LRRN4: variants seen among roughly 807,000 people sequenced by gnomAD.
LRRN4 encodes the protein leucine-rich repeat neuronal protein 4.
Under a neutral mutation model 22.3 loss-of-function variants are expected in LRRN4, and 26 were observed. The ratio of observed to expected loss-of-function variants is 1.16; its 90% CI spans 0.85 to 1.62. The LOEUF (loss-of-function observed/expected upper bound fraction) is 1.62, where lower values mean the gene tolerates loss of function less well. Among genes scored for constraint, LRRN4 ranks in the 40% most tolerant of loss-of-function variants. The probability of loss-of-function intolerance (pLI) is 0.00; values close to 1 mark genes in which losing one functional copy is unlikely to be tolerated. For missense variants in LRRN4, 1,070 were observed against 1,008.5 expected (o/e 1.06, Z -0.83); for synonymous variants, 496 against 486.2 (o/e 1.02, Z -0.26).
intron 4 of LRRN4, among the ~76,000 whole-genome samples, chr20:6,044,164 G>C (rs1477269975): frequency 6.6e-6 from 1 of 152,142 alleles, no homozygotes; most frequent in Non-Finnish European, 1.5e-5. Flanking sequence ...TGGATAACCC[G>C]GGAGCAGGAG....
In LRRN4 at chr20:6,052,363, C is replaced by G. The variant is rs1488073636; in HGVS notation, c.437G>C (p.Ser146Thr). 5.9e-6 allele frequency: 9 copies of G among 1,514,636 alleles called. No homozygotes were observed. Among genetic ancestry groups the G allele is most frequent in the Non-Finnish European group, 7.9e-6 (9 of 1,140,454 alleles). The allele number at this position is 1,514,636 out of a possible 1,614,324, so 93.8% of individuals were successfully genotyped here. A position where few individuals can be genotyped will look rare whatever the true frequency, so the allele number is the denominator to read the frequency against. Residue 146 changes from serine (S) to threonine (T), a missense_variant, in exon 2 of 5, where the codon AGC (serine) becomes ACC (threonine). Coordinates refer to ENST00000378858, the MANE Select transcript of LRRN4 (RefSeq NM_152611.5). ...ALPPCTGPAL[S>T]SLRALALAGN... ...GGCGAGCGCCAGGGCGCGGAGGCTG[C>G]TCAGCGCGGGCCCGGTGCACGGCGG...
At chr20:6,044,111 AG>A (rs1473754497) in intron 4 of LRRN4, among the ~76,000 whole-genome samples, 1 of 152,222 alleles carries the variant, frequency 6.6e-6, no homozygotes, top group Non-Finnish European at 1.5e-5. Context: ...TAGTCTTCAT[AG>A]GAATTTCCCA....
chr20:6,052,356 G>GA lies in LRRN4; in HGVS notation c.443dup (p.Arg149ProfsTer69), dbSNP rs1568643341. ...GATTCCCGGCGAGCGCCAGGGCGCG[G>GA]AGGCTGCTCAGCGCGGGCCCGGTGC... On this transcript the variant is annotated frameshift_variant, in exon 2 of 5. Coordinates refer to ENST00000378858, the MANE Select transcript of LRRN4 (RefSeq NM_152611.5). LOFTEE classifies it high-confidence loss of function. The GA allele has an allele frequency of 2.0e-6, 3 of 1,510,368 alleles. No individual in the cohort carries two copies. In the East Asian group the frequency reaches 7.8e-5, roughly 40 times the overall value. The allele number at this position is 1,510,368 out of a possible 1,614,324, so 93.6% of individuals were successfully genotyped here.
chr20:6,044,619 G>A lies in LRRN4; in HGVS notation c.922C>T (p.Leu308Phe), dbSNP rs566957508. 16 of 1,597,622 alleles carry A rather than the reference G, an allele frequency of 1.0e-5. No individual in the cohort carries two copies. In the South Asian group the frequency reaches 1.8e-4, roughly 18 times the overall value. Residue 308 changes from leucine (L) to phenylalanine (F), a missense_variant, in exon 4 of 5, where the codon CTC (leucine) becomes TTC (phenylalanine). Transcript: ENST00000378858. ...LDSSQVLSINLFGNPLTCSCD... is the reference protein window; with the variant it reads ...LDSSQVLSINFFGNPLTCSCD... The stretch of plus-strand genomic sequence containing the variant: ...CTGCAAGTGAGGGGGTTGCCAAAGA[G>A]GTTGATCGATAGGACCTGGGAGGAA...
In LRRN4 at chr20:6,052,197, C is replaced by T. The variant is rs1981264377; in HGVS notation, c.603G>A (p.Ala201=). 1 of 1,596,312 alleles carries T rather than the reference C, an allele frequency of 6.3e-7. No homozygotes were observed. Among genetic ancestry groups the T allele is most frequent in the Non-Finnish European group, 8.5e-7 (1 of 1,172,488 alleles). ...AEAAFAGEDG[A]PLVTLEVLDL... Reference sequence around the variant, plus strand: ...CCAGGACTTCGAGCGTGACCAGGGGCGCGCCATCCTCTCCAGCGAACGCCG... The same window carrying T: ...CCAGGACTTCGAGCGTGACCAGGGGTGCGCCATCCTCTCCAGCGAACGCCG... The change falls in exon 2 of 5, where the codon GCG becomes GCA. Residue 201 remains alanine, a synonymous_variant. Coordinates refer to ENST00000378858, the MANE Select transcript of LRRN4 (RefSeq NM_152611.5).
At chr20:6,043,001 A>G (rs761538581) in intron 4 of LRRN4, among the ~76,000 whole-genome samples, 12 of 152,234 alleles carry the variant, frequency 7.9e-5, no homozygotes, top group East Asian at 1.9e-4. Flanking sequence ...TCACACTCCA[A>G]TGTGTCAACT....
chr20:6,052,146 C>A lies in LRRN4; in HGVS notation c.654G>T (p.Arg218=), dbSNP rs985361226. The A allele has an allele frequency of 6.3e-7, 1 of 1,591,648 alleles. No homozygotes were observed. Among genetic ancestry groups the A allele is most frequent in the Non-Finnish European group, 8.5e-7 (1 of 1,170,068 alleles). The change falls in exon 2 of 5, where the codon CGG becomes CGT. Residue 218 remains arginine (R), a splice_region_variant and synonymous_variant. Transcript: ENST00000378858. The part of the protein sequence containing the change: ...VLDLSGTFLE[R]VESGWIRDLP... ...AAAACGCGGGGCGCCCGGACTCACCCCGTTCAAGGAACGTGCCGCTGAGAT... is the reference window on the plus strand; with the variant it reads ...AAAACGCGGGGCGCCCGGACTCACCACGTTCAAGGAACGTGCCGCTGAGAT...
At chr20:6,049,291 G>T (rs776965210) in intron 3 of LRRN4, among the ~76,000 whole-genome samples, 1 of 152,166 alleles carries the variant, frequency 6.6e-6, no homozygotes, top group Admixed American at 6.5e-5. Flanking sequence ...AGCACATGGC[G>T]TGTGTCTCTG....
At chr20:6,044,456 G>A in intron 4 of LRRN4, 87 bp downstream of exon 4, 1 of 1,277,292 alleles carries the variant, frequency 7.8e-7, no homozygotes, top group Non-Finnish European at 1.0e-6. Flanking sequence ...GCCAAGCATG[G>A]TCACATGAGC....
rs770157530 is a variant in LRRN4 at position 6,044,563 on chromosome 20, T to C, written c.978A>G (p.Ala326=). 1.1e-5 allele frequency: 18 copies of C among 1,583,804 alleles called. No homozygotes were observed. The highest frequency in any genetic ancestry group is 1.5e-5 in the Non-Finnish European group (17 of 1,165,982). The change falls in exon 4 of 5, where the codon GCA becomes GCG. Residue 326 remains alanine (A), a synonymous_variant. Coordinates refer to ENST00000378858, the MANE Select transcript of LRRN4 (RefSeq NM_152611.5). ...SCDLSWLLTD[A]KRTVLSRAAD... is the part of the protein sequence containing the mutation. ...GTTACCTGCTTAGGACAGTTCTCTT[T>C]GCATCCGTGAGGAGCCAAGACAAGT... is the stretch of plus-strand genomic sequence containing the variant.
At chr20:6,043,533 G>A (rs906714701) in intron 4 of LRRN4, among the ~76,000 whole-genome samples, 4 of 152,188 alleles carry the variant, frequency 2.6e-5, no homozygotes, top group Non-Finnish European at 5.9e-5. Context: ...AAAGGGCCCA[G>A]GTGCTTCTCT....
chr20:6,052,431 C>T lies in LRRN4; in HGVS notation c.369G>A (p.Gly123=). ...ALRWGPGGPA[G]LHTLDLSYNQ... is the part of the protein sequence containing the mutation. ...TGTAGCTGAGGTCCAGGGTGTGCAG[C>T]CCCGCCGGCCCACCCGGGCCCCAGC... The change falls in exon 2 of 5, where the codon GGG becomes GGA. Residue 123 remains glycine, a synonymous_variant. Coordinates refer to ENST00000378858, the MANE Select transcript of LRRN4 (RefSeq NM_152611.5). 6.5e-7 allele frequency: 1 copy of T among 1,546,728 alleles called. No individual in the cohort carries two copies. The highest frequency in any genetic ancestry group is 1.2e-5 in the South Asian group (1 of 84,712).
rs1980972569 is a variant in LRRN4, at chr20:6,041,979, G to T, written c.1266C>A (p.His422Gln). The change falls in exon 5 of 5, where the codon CAC (histidine) becomes CAA (glutamine). Residue 422 changes from histidine to glutamine, a missense_variant. Coordinates refer to ENST00000378858, the MANE Select transcript of LRRN4 (RefSeq NM_152611.5). This position sits in a 1 kb window ranked among gnomAD's most constrained non-coding sequence, Gnocchi z 9.4. ...GGGCAGTCCCCTCCCGTGCATCGCT[G>T]TGCGGCCATGCAGCTATCGTGCGAG... is the stretch of plus-strand genomic sequence containing the variant. ...VGSRTIAAWPHSDAREGTAPS... is the reference protein window; with the variant it reads ...VGSRTIAAWPQSDAREGTAPS... The T allele has an allele frequency of 6.2e-7, 1 of 1,614,080 alleles. No homozygotes were observed. The highest frequency in any genetic ancestry group is 2.2e-5 in the East Asian group (1 of 44,858).
At chr20:6,047,999 TG>T (rs2123055948) in intron 3 of LRRN4, among the ~76,000 whole-genome samples, 1 of 152,132 alleles carries the variant, frequency 6.6e-6, no homozygotes, top group African/African-American at 2.4e-5. Context: ...CAGGGGCTGT[TG>T]GGGATGGAAA....
intron 3 of LRRN4, among the ~76,000 whole-genome samples, chr20:6,049,895 C>T (rs899390416): frequency 1.3e-5 from 2 of 152,168 alleles, no homozygotes; most frequent in African/African-American, 4.8e-5. Context: ...TCACTGACAT[C>T]AATCAGCATC....
At chr20:6,049,231 C>A (rs911316387) in intron 3 of LRRN4, among the ~76,000 whole-genome samples, 41 of 152,272 alleles carry the variant, frequency 2.7e-4, no homozygotes, top group African/African-American at 9.6e-4. Context: ...CCTGAAGAAG[C>A]CTCTCTGATC....
rs1454031525 is a variant in LRRN4 at position 6,052,461 on chromosome 20, C to T, written c.339G>A (p.Ala113=). The T allele has an allele frequency of 2.6e-6, 4 of 1,560,288 alleles. No homozygotes were observed. Among genetic ancestry groups the T allele is most frequent in the Non-Finnish European group, 1.7e-6 (2 of 1,161,952 alleles). The change falls in exon 2 of 5, where the codon GCG becomes GCA. Residue 113 remains alanine (A), a synonymous_variant. Transcript: ENST00000378858. ...CCGGCCCACCCGGGCCCCAGCGCAG[C>T]GCGGCGATGCGGTTGTGGCGCAGGG... ...VLTLRHNRIA[A]LRWGPGGPAG...
chr20:6,052,224 C>T lies in LRRN4; in HGVS notation c.576G>A (p.Glu192=), dbSNP rs374965764. The change falls in exon 2 of 5, where the codon GAG becomes GAA. Residue 192 remains glutamate, a synonymous_variant. Coordinates refer to ENST00000378858, the MANE Select transcript of LRRN4 (RefSeq NM_152611.5). The stretch of plus-strand genomic sequence containing the variant: ...CGCCATCCTCTCCAGCGAACGCCGC[C>T]TCGGCGATGCCCCCCTGGGCTCCGC... The part of the protein sequence containing the change: ...LGRGAQGGIA[E]AAFAGEDGAP... 14 of 1,580,166 alleles carry T rather than the reference C, an allele frequency of 8.9e-6. No individual in the cohort carries two copies. The African/African-American group carries it at 1.2e-4, about 14-fold the overall frequency.
In LRRN4 at chr20:6,044,557, T is replaced by G. The variant is rs776798270; in HGVS notation, c.984A>C (p.Arg328Ser). ...DLSWLLTDAK[R>S]TVLSRAADTM... ...AAATGTGTTACCTGCTTAGGACAGT[T>G]CTCTTTGCATCCGTGAGGAGCCAAG... The change falls in exon 4 of 5, where the codon AGA (arginine) becomes AGC (serine). Residue 328 changes from arginine to serine, a missense_variant. Arg to Ser is a moderately radical substitution (Grantham distance 110, BLOSUM62 -1). Coordinates refer to ENST00000378858, the MANE Select transcript of LRRN4 (RefSeq NM_152611.5). 3 of 1,581,982 alleles carry G rather than the reference T, an allele frequency of 1.9e-6. No homozygotes were observed. The East Asian group carries it at 6.9e-5, about 36-fold the overall frequency.
Sources: allele counts gnomAD v4.1 joint callset (sites outside exome capture counted in the v4.1 genomes callset), GRCh38; gene constraint gnomAD v4.1.1; non-coding constraint Gnocchi (gnomAD v3.1); transcripts MANE v1.5; gene names NCBI Gene and HGNC (gene_info 2026-07-23, HGNC 2026-07-21).